ELP4: variants seen among roughly 807,000 people sequenced by gnomAD.
ELP4 encodes elongator acetyltransferase complex subunit 4.
Under a neutral mutation model 48.9 loss-of-function variants are expected in ELP4, and 51 were observed. The ratio of observed to expected loss-of-function variants is 1.04; its 90% CI spans 0.83 to 1.32. The LOEUF (loss-of-function observed/expected upper bound fraction) is 1.32, where lower values mean the gene tolerates loss of function less well. ELP4 is among the 40% of genes most tolerant of loss of function. ELP4 has a pLI of 0.00. For synonymous variants in ELP4, 210 were observed against 189.2 expected, an observed-to-expected ratio of 1.11 and a Z score of -0.90; for missense variants, 519 against 514.6, an observed-to-expected ratio of 1.01 and a Z score of -0.08.
intron 5 of ELP4, among the ~76,000 whole-genome samples, chr11:31,605,804 C>G (rs1331011220): frequency 1.3e-5 from 2 of 152,138 alleles, no homozygotes; most frequent in Non-Finnish European, 2.9e-5. Context: ...ATTTTGCCAA[C>G]AACCCTCCAA....
chr11:31,656,860 G>A (rs1218590175), intron 9 of ELP4, among the ~76,000 whole-genome samples: 2 of 152,022 alleles, frequency 1.3e-5, no homozygotes, highest in Non-Finnish European at 2.9e-5. Context: ...TTATATTGCA[G>A]TACTTCGAAG....
chr11:31,511,790 G>A (rs776928816), intron 1 of ELP4: 4 of 152,050 alleles, frequency 2.6e-5, no homozygotes, highest in East Asian at 1.9e-4. Flanking sequence ...CCTTCTATAC[G>A]TGTTTCTTCA....
chr11:31,514,798 T>G (rs796891273), intron 1 of ELP4, among the ~76,000 whole-genome samples: 47 of 152,200 alleles, frequency 3.1e-4, no homozygotes, highest in East Asian at 3.1e-3. Flanking sequence ...TGGTTGGTTG[T>G]TTTAGCTTTT....
At chr11:31,703,739 G>GT in intron 9 of ELP4, among the ~76,000 whole-genome samples, 1 of 152,202 alleles carries the variant, frequency 6.6e-6, no homozygotes, top group Non-Finnish European at 1.5e-5. Context: ...ATTATTATAT[G>GT]TTTTTAAGGA....
intron 9 of ELP4, among the ~76,000 whole-genome samples, chr11:31,673,525 C>T (rs374463146): frequency 6.6e-6 from 1 of 151,978 alleles, no homozygotes; most frequent in Non-Finnish European, 1.5e-5. Flanking sequence ...GATGGAGTCT[C>T]GCCGTGTTGC....
chr11:31,779,165 C>T (rs1020064028), intron 9 of ELP4, among the ~76,000 whole-genome samples: 1 of 152,136 alleles, frequency 6.6e-6, no homozygotes, highest in African/African-American at 2.4e-5. Context: ...TAAAATAAAT[C>T]TTTAGTCATC....
At chr11:31,771,110 T>C (rs560815181) in intron 9 of ELP4, among the ~76,000 whole-genome samples, 30 of 152,232 alleles carry the variant, frequency 2.0e-4, no homozygotes, top group African/African-American at 6.7e-4. Flanking sequence ...CTAGAGTTTC[T>C]CCTTCATGGA....
chr11:31,720,406 G>A (rs746971201), intron 9 of ELP4, among the ~76,000 whole-genome samples: 2 of 151,886 alleles, frequency 1.3e-5, no homozygotes, highest in Non-Finnish European at 2.9e-5. Flanking sequence ...AAGATAGTTT[G>A]GCACTTTTTC....
chr11:31,746,122 A>C, intron 9 of ELP4, among the ~76,000 whole-genome samples: 1 of 152,248 alleles, frequency 6.6e-6, no homozygotes, highest in Middle Eastern at 3.2e-3. Context: ...ATGCAGCCAA[A>C]AAACACATGA....
chr11:31,742,451 G>A (rs767967524), intron 9 of ELP4, among the ~76,000 whole-genome samples: 14 of 152,188 alleles, frequency 9.2e-5, no homozygotes, highest in Non-Finnish European at 1.6e-4. Flanking sequence ...ATAATTGTCA[G>A]ATTCATCAAA....
At chr11:31,511,965 A>G (rs1182136826) in intron 1 of ELP4, 1 of 152,238 alleles carries the variant, frequency 6.6e-6, no homozygotes, top group Non-Finnish European at 1.5e-5. Context: ...TTTTGCATGT[A>G]TGCAGTGAAT....
intron 9 of ELP4, among the ~76,000 whole-genome samples, chr11:31,673,058 C>G (rs943825974): frequency 4.6e-5 from 7 of 151,942 alleles, no homozygotes; most frequent in African/African-American, 1.7e-4. Context: ...CCTCTGTCAC[C>G]CAGGCTGGAG....
intron 2 of ELP4, among the ~76,000 whole-genome samples, chr11:31,522,770 T>C (rs950311126): frequency 8.5e-5 from 13 of 152,234 alleles, no homozygotes; most frequent in African/African-American, 2.9e-4. Context: ...CAGTTCACCC[T>C]AATCTCACCC....
intron 9 of ELP4, chr11:31,682,062 G>C: frequency 7.7e-7 from 1 of 1,295,554 alleles, no homozygotes; most frequent in South Asian, 1.2e-5. Flanking sequence ...ATTTCAAAGA[G>C]AACAAGTCTA....
chr11:31,719,569 A>G, intron 9 of ELP4: 1 of 398,184 alleles, frequency 2.5e-6, no homozygotes, highest in Non-Finnish European at 4.4e-6. Flanking sequence ...GAAAGCCACA[A>G]GTATTATCTG....
chr11:31,570,661 A>G (rs1957178686), intron 3 of ELP4, among the ~76,000 whole-genome samples: 1 of 151,442 alleles, frequency 6.6e-6, no homozygotes, highest in Non-Finnish European at 1.5e-5. Context: ...TTTAGTAGAG[A>G]TGGGGTTGCA....
At chr11:31,540,654 G>A (rs1956576918) in intron 3 of ELP4, among the ~76,000 whole-genome samples, 1 of 152,136 alleles carries the variant, frequency 6.6e-6, no homozygotes, top group African/African-American at 2.4e-5. Context: ...CATTCTAAAT[G>A]TATCTAAGGA....
chr11:31,552,134 C>T (rs2133929551), intron 3 of ELP4, among the ~76,000 whole-genome samples: 1 of 152,204 alleles, frequency 6.6e-6, no homozygotes, highest in South Asian at 2.1e-4. Flanking sequence ...ACTTTCTTCC[C>T]TTGGTTTCCA....
intron 9 of ELP4, among the ~76,000 whole-genome samples, chr11:31,669,629 CTG>C (rs1282767940): frequency 6.6e-6 from 1 of 152,144 alleles, no homozygotes; most frequent in Non-Finnish European, 1.5e-5. Flanking sequence ...GTGGCAGAAA[CTG>C]TCTTTTTCTT....
Sources: allele counts gnomAD v4.1 joint callset (sites outside exome capture counted in the v4.1 genomes callset), GRCh38; gene constraint gnomAD v4.1.1; transcripts MANE v1.5; gene names NCBI Gene and HGNC (gene_info 2026-07-23, HGNC 2026-07-21).